UBE2D4: variants seen among roughly 807,000 people sequenced by gnomAD.
UBE2D4 encodes ubiquitin conjugating enzyme E2 D4.
A neutral mutation model predicts 23.0 loss-of-function variants in UBE2D4; 17 were observed. That is an observed-to-expected ratio of 0.74 (90% CI 0.51 to 1.11). The LOEUF (loss-of-function observed/expected upper bound fraction) is 1.11. Among genes scored for constraint, UBE2D4 ranks in the 50% least tolerant of loss-of-function variants. The pLI is 0.00. For missense variants in UBE2D4, 139 were observed against 181.8 expected, an observed-to-expected ratio of 0.76 and a Z score of 1.35; for synonymous variants, 61 against 69.4, an observed-to-expected ratio of 0.88 and a Z score of 0.60.
At chr7:43,926,659 C>T (rs2095931532) in intron 1 of UBE2D4, 103 bp downstream of exon 1, 3 of 1,274,478 alleles carry the variant, frequency 2.4e-6, no homozygotes, top group East Asian at 5.9e-5. Flanking sequence ...CTCCGCGAGT[C>T]GCGGATACAC....
intron 4 of UBE2D4, chr7:43,943,820 T>C (rs999156909): frequency 2.0e-5 from 3 of 152,674 alleles, no homozygotes; most frequent in East Asian, 3.9e-4. Context: ...GGGCTCTGCA[T>C]GGGTGGCCGA....
chr7:43,935,483 A>T (rs1159906331), intron 1 of UBE2D4, among the ~76,000 whole-genome samples: 4 of 148,542 alleles, frequency 2.7e-5, no homozygotes, highest in Non-Finnish European at 4.5e-5. Flanking sequence ...CAGAATACAT[A>T]TTTTTTTTTT....
chr7:43,928,237 A>G (rs1052395157), intron 1 of UBE2D4: 2 of 295,712 alleles, frequency 6.8e-6, no homozygotes, highest in Admixed American at 4.6e-5. Context: ...ATCCGCCCCC[A>G]CGACCCAGAT....
intron 1 of UBE2D4, among the ~76,000 whole-genome samples, chr7:43,938,078 G>T (rs1022845355): frequency 1.6e-3 from 241 of 152,212 alleles, no homozygotes; most frequent in Non-Finnish European, 2.6e-3. Context: ...TTCAGCACCT[G>T]GGGGCCTGGG....
chr7:43,947,138 CTT>C (rs948527771), intron 4 of UBE2D4: 10 of 141,516 alleles, frequency 7.1e-5, no homozygotes, highest in Non-Finnish European at 9.4e-5. Context: ...GTTTGGTTTT[CTT>C]TTTTTTTTTT....
chr7:43,952,480 T>C (rs1025526578), intron 6 of UBE2D4, 170 bp from the exon 7 acceptor site: 25 of 645,120 alleles, frequency 3.9e-5, no homozygotes, highest in South Asian at 1.2e-4. Flanking sequence ...CAGCCATGTC[T>C]GATGTGCTCC....
intron 4 of UBE2D4, among the ~76,000 whole-genome samples, chr7:43,946,865 G>A (rs2095988523): frequency 2.6e-5 from 4 of 152,036 alleles, no homozygotes; most frequent in Admixed American, 2.0e-4. Flanking sequence ...TCCACGGCCT[G>A]AGCTTCTCTT....
chr7:43,939,932 A>T (rs144057973), intron 2 of UBE2D4, among the ~76,000 whole-genome samples: 6 of 152,208 alleles, frequency 3.9e-5, no homozygotes, highest in African/African-American at 1.4e-4. Context: ...TTAGAAATGG[A>T]TGGGGGTATG....
rs1253220697 is a variant in UBE2D4 at position 43,944,085 on chromosome 7, C to G, written c.198+1054C>G. On this transcript the variant is annotated intron_variant, in intron 4 of 6. Transcript: ENST00000222402. This position sits in a 1 kb window ranked among gnomAD's most constrained non-coding sequence, Gnocchi z 4.0. ...CGGATGGCCCCAGGAGTAGGGTCTGCACGCCGTTGTGGGGATCGCCACACC... is the reference window on the plus strand; with the variant it reads ...CGGATGGCCCCAGGAGTAGGGTCTGGACGCCGTTGTGGGGATCGCCACACC... 2 of 152,292 alleles carry G rather than the reference C, an allele frequency of 1.3e-5. No homozygotes were observed. The highest frequency in any genetic ancestry group is 4.8e-5 in the African/African-American group (2 of 41,408). 9.4% of individuals were successfully genotyped at this position (152,292 alleles called of 1,614,324 possible).
intron 4 of UBE2D4, among the ~76,000 whole-genome samples, chr7:43,947,510 T>C (rs184712443): frequency 6.6e-6 from 1 of 152,358 alleles, no homozygotes; most frequent in Admixed American, 6.5e-5. Context: ...GCAAAGGATG[T>C]GAACTTATCC....
chr7:43,933,611 G>A (rs2528377), intron 1 of UBE2D4, among the ~76,000 whole-genome samples: 9,277 of 152,020 alleles, frequency 0.061, 309 homozygotes, highest in East Asian at 0.098. Context: ...ATGGTGGTGC[G>A]TTCCTGTAAT....
At chr7:43,936,454 ATAAACT>A (rs2095958967) in intron 1 of UBE2D4, among the ~76,000 whole-genome samples, 3 of 152,118 alleles carry the variant, frequency 2.0e-5, no homozygotes, top group African/African-American at 7.2e-5. Context: ...TAATTACTAT[ATAAACT>A]TAATCTACTT....
rs1464137420 is a variant in UBE2D4, at chr7:43,954,285, T to TTTTA, written c.*1590_*1591insTTTA. ...TTTTTTTTTTTTTTTTTTTTTTTTT[T>TTTTA]AACACAGAGCCTTGCTCTGTCTCCC... On this transcript the variant is annotated 3_prime_UTR_variant, in exon 7 of 7. Transcript: ENST00000222402. The TTTTA allele has an allele frequency of 1.9e-4, 19 of 100,364 alleles. No homozygotes were observed. Among genetic ancestry groups the TTTTA allele is most frequent in the African/African-American group, 7.1e-4 (17 of 23,796 alleles). 6.2% of individuals were successfully genotyped at this position (100,364 alleles called of 1,614,324 possible). A position where few individuals can be genotyped will look rare whatever the true frequency, so the allele number is the denominator to read the frequency against.
chr7:43,935,599 G>A (rs1299608162), intron 1 of UBE2D4, among the ~76,000 whole-genome samples: 1 of 152,178 alleles, frequency 6.6e-6, no homozygotes, highest in Non-Finnish European at 1.5e-5. Flanking sequence ...AAAATGGAAT[G>A]TGTTAACGGA....
Position 43,938,412 on chromosome 7 carries a change from C to G in UBE2D4, c.25-19C>G, listed in dbSNP as rs1246601225. On this transcript the variant is annotated intron_variant, in intron 1 of 6. Transcript: ENST00000222402. The stretch of plus-strand genomic sequence containing the variant: ...ATCCCCAGCATACAGCAGCTCTGAC[C>G]CACTCTCTCATGTTCTAGGAATTAA... 1 of 1,613,056 alleles carries G rather than the reference C, an allele frequency of 6.2e-7. No individual in the cohort carries two copies. Among genetic ancestry groups the G allele is most frequent in the South Asian group, 1.1e-5 (1 of 91,048 alleles).
chr7:43,952,952 C>A lies in UBE2D4; in HGVS notation c.*257C>A, dbSNP rs758123492. 2.1e-5 allele frequency: 9 copies of A among 432,946 alleles called. No individual in the cohort carries two copies. Among genetic ancestry groups the A allele is most frequent in the Non-Finnish European group, 3.5e-5 (8 of 229,120 alleles). 26.8% of individuals were successfully genotyped at this position (432,946 alleles called of 1,614,324 possible). ...GCAGTCTTCCTGGTGACACTGGAATCTCTCTCTCTGCCGCCTCAGTTTGTC... is the reference window on the plus strand; with the variant it reads ...GCAGTCTTCCTGGTGACACTGGAATATCTCTCTCTGCCGCCTCAGTTTGTC... On this transcript the variant is annotated 3_prime_UTR_variant, in exon 7 of 7. Coordinates refer to ENST00000222402, the MANE Select transcript of UBE2D4 (RefSeq NM_015983.4).
At chr7:43,942,459 G>A (rs2095975227) in intron 2 of UBE2D4, 1 of 412,744 alleles carries the variant, frequency 2.4e-6, no homozygotes, top group African/African-American at 2.0e-5. Flanking sequence ...GAATACGGAG[G>A]CTCCAGTGAG....
intron 1 of UBE2D4, among the ~76,000 whole-genome samples, chr7:43,926,823 G>T (rs555769175): frequency 6.6e-6 from 1 of 152,368 alleles, no homozygotes; most frequent in East Asian, 1.9e-4. Flanking sequence ...GCAGGCTTCT[G>T]GACAGCGGGT....
At chr7:43,931,863 A>G (rs1309451689) in intron 1 of UBE2D4, among the ~76,000 whole-genome samples, 1 of 151,152 alleles carries the variant, frequency 6.6e-6, no homozygotes, top group Non-Finnish European at 1.5e-5. Flanking sequence ...TTTTTTTTGT[A>G]TTTTTAGTAG....
Sources: gnomAD v4.1 joint callset for allele counts (sites outside exome capture counted in the v4.1 genomes callset) on GRCh38, gnomAD v4.1.1 for gene constraint, Gnocchi (gnomAD v3.1) non-coding constraint, MANE v1.5 for transcripts, NCBI Gene and HGNC (gene_info 2026-07-23, HGNC 2026-07-21) for gene names.